MOB3B: variants seen among roughly 807,000 people sequenced by gnomAD.
MOB3B encodes the protein MOB kinase activator 3B, also known as MOB kinase activator-like 2B.
A neutral mutation model predicts 18.7 loss-of-function variants in MOB3B; 7 were observed. The ratio of observed to expected loss-of-function variants is 0.37; its 90% CI spans 0.21 to 0.70. The LOEUF (loss-of-function observed/expected upper bound fraction) is 0.70. Among genes scored for constraint, MOB3B ranks in the 30% least tolerant of loss-of-function variants. The pLI is 0.52. For missense variants in MOB3B, 253 were observed against 281.3 expected, an observed-to-expected ratio of 0.90 and a Z score of 0.72; for synonymous variants, 111 against 99.9, an observed-to-expected ratio of 1.11 and a Z score of -0.66.
Position 27,470,114 on chromosome 9 carries a change from G to GAA in MOB3B, c.-198-14368_-198-14367dup, listed in dbSNP as rs751414011. 9.5e-5 allele frequency among the ~76,000 whole-genome samples: 12 copies of GAA among 125,966 alleles called. 1 individual carries two copies. Among genetic ancestry groups the GAA allele is most frequent in the East Asian group, 4.7e-4 (2 of 4,262 alleles). The allele number at this position is 125,966 out of a possible 152,430, so 82.6% of individuals were successfully genotyped here. On this transcript the variant is annotated intron_variant, in intron 1 of 3. Coordinates refer to ENST00000262244, the MANE Select transcript of MOB3B (RefSeq NM_024761.5). ...CAGAGTGAGACCCTGTCTCTTAAAA[G>GAA]AAAAAAAAAAAAAAGAAAAGAAAAC...
intron 2 of MOB3B, among the ~76,000 whole-genome samples, chr9:27,408,446 C>T (rs1231081800): frequency 6.6e-6 from 1 of 152,192 alleles, no homozygotes; most frequent in African/African-American, 2.4e-5. Context: ...AACATGTGAG[C>T]AAAGGGGGAA....
At chr9:27,364,975 T>A (rs932794316) in intron 2 of MOB3B, among the ~76,000 whole-genome samples, 1 of 152,136 alleles carries the variant, frequency 6.6e-6, no homozygotes, top group Non-Finnish European at 1.5e-5. Flanking sequence ...TACTAGTTTC[T>A]CAAACTTATG....
chr9:27,330,368 G>T lies in MOB3B; in HGVS notation c.*219C>A. On this transcript the variant is annotated 3_prime_UTR_variant, in exon 4 of 4. Transcript: ENST00000262244. ...GTCAAGGGGCTGGTCCTTCTTTCAC[G>T]TTGTGGTCTGCCTCGTCCACAGGTC... 1.9e-6 allele frequency: 1 copy of T among 523,918 alleles called. No individual in the cohort carries two copies. The highest frequency in any genetic ancestry group is 3.3e-6 in the Non-Finnish European group (1 of 298,934). The allele number at this position is 523,918 out of a possible 1,614,324, so 32.5% of individuals were successfully genotyped here.
At chr9:27,415,224 G>A (rs1410229790) in intron 2 of MOB3B, among the ~76,000 whole-genome samples, 3 of 152,168 alleles carry the variant, frequency 2.0e-5, no homozygotes, top group Admixed American at 2.0e-4. Flanking sequence ...TTATGGGTGT[G>A]CATAATATGT....
chr9:27,341,898 C>T (rs1820947601), intron 3 of MOB3B, among the ~76,000 whole-genome samples: 3 of 152,300 alleles, frequency 2.0e-5, no homozygotes, highest in Admixed American at 2.0e-4. Flanking sequence ...CAGAAAATGA[C>T]AGTTCATGGG....
At chr9:27,442,721 A>T (rs563405431) in intron 2 of MOB3B, among the ~76,000 whole-genome samples, 3 of 152,106 alleles carry the variant, frequency 2.0e-5, no homozygotes, top group Non-Finnish European at 2.9e-5. Flanking sequence ...CTCTTGTTAT[A>T]ATATTATATT....
In MOB3B at chr9:27,492,668, A is replaced by G. The variant is rs368222365; in HGVS notation, c.-199+36887T>C. Among the ~76,000 whole-genome samples the G allele has an allele frequency of 1.5e-4, 23 of 152,316 alleles. No homozygotes were observed. The East Asian group carries it at 3.3e-3, about 22-fold the overall frequency. On this transcript the variant is annotated intron_variant, in intron 1 of 3. Transcript: ENST00000262244. ...TACAGCAATTACTAATTGCATCTGGAGCAGAAGGTAATTAACTCCAGTTTT... is the reference window on the plus strand; with the variant it reads ...TACAGCAATTACTAATTGCATCTGGGGCAGAAGGTAATTAACTCCAGTTTT...
chr9:27,367,487 T>A (rs950219924), intron 2 of MOB3B, among the ~76,000 whole-genome samples: 1 of 152,266 alleles, frequency 6.6e-6, no homozygotes, highest in African/African-American at 2.4e-5. Context: ...ATCCCATTTA[T>A]GATTCCAGCT....
intron 2 of MOB3B, among the ~76,000 whole-genome samples, chr9:27,398,213 AGATGTCTCCT>A (rs1396841079): frequency 6.6e-6 from 1 of 152,208 alleles, no homozygotes; most frequent in Non-Finnish European, 1.5e-5. Flanking sequence ...AGTGGGACAG[AGATGTCTCCT>A]GAAATGTACC....
chr9:27,327,489 T>C lies in MOB3B; in HGVS notation c.*3098A>G, dbSNP rs77759170. The C allele has an allele frequency of 0.13, 20,427 of 152,056 alleles. 1,452 individuals are homozygous for C. Among genetic ancestry groups the C allele is most frequent in the Middle Eastern group, 0.2 (58 of 294 alleles). 9.4% of individuals were successfully genotyped at this position (152,056 alleles called of 1,614,324 possible). ...AAACAATCAGTAAAAAAGTCTAGAT[T>C]GTGGGACATTCCACAAACTTGCCTG... On this transcript the variant is annotated 3_prime_UTR_variant, in exon 4 of 4. Transcript: ENST00000262244.
intron 2 of MOB3B, among the ~76,000 whole-genome samples, chr9:27,386,906 G>T (rs1044472452): frequency 2.0e-5 from 3 of 152,188 alleles, no homozygotes; most frequent in East Asian, 1.9e-4. Flanking sequence ...CCCTCCTAAG[G>T]CATGTGAACG....
chr9:27,481,546 C>G (rs1295352197), intron 1 of MOB3B, among the ~76,000 whole-genome samples: 2 of 121,622 alleles, frequency 1.6e-5, no homozygotes, highest in African/African-American at 6.4e-5. Context: ...GAGACGGAGT[C>G]TAGCTCTGTC....
intron 1 of MOB3B, among the ~76,000 whole-genome samples, chr9:27,520,873 G>C (rs556175312): frequency 3.3e-5 from 5 of 152,174 alleles, no homozygotes; most frequent in Admixed American, 2.0e-4. Flanking sequence ...AGTTAAATCT[G>C]AATTTCAGAA....
At chr9:27,519,582 A>T (rs1820293327) in intron 1 of MOB3B, among the ~76,000 whole-genome samples, 1 of 152,196 alleles carries the variant, frequency 6.6e-6, no homozygotes, top group African/African-American at 2.4e-5. Context: ...CACAGAACTT[A>T]TTGCTTAGTA....
intron 2 of MOB3B, among the ~76,000 whole-genome samples, chr9:27,406,553 C>A (rs753649673): frequency 6.6e-6 from 1 of 152,084 alleles, no homozygotes; most frequent in African/African-American, 2.4e-5. Flanking sequence ...TAGACCAATG[C>A]AACAGAATAG....
rs182449010 is a variant in MOB3B at position 27,412,822 on chromosome 9, T to C, written c.418+42311A>G. 2.7e-3 allele frequency among the ~76,000 whole-genome samples: 405 copies of C among 152,306 alleles called. 3 individuals carry two copies. The highest frequency in any genetic ancestry group is 9.4e-3 in the African/African-American group (392 of 41,570). On this transcript the variant is annotated intron_variant, in intron 2 of 3. Coordinates refer to ENST00000262244, the MANE Select transcript of MOB3B (RefSeq NM_024761.5). ...TCACTAAGTCAATAGCCTATTGCTG[T>C]CTACTTCTGAGTTACACTCTGATGG...
intron 1 of MOB3B, among the ~76,000 whole-genome samples, chr9:27,466,819 G>A (rs12551344): frequency 1.3e-5 from 2 of 151,804 alleles, no homozygotes; most frequent in Non-Finnish European, 2.9e-5. Flanking sequence ...TCTCCCCTTG[G>A]GTCCGTCCTA....
chr9:27,353,688 G>A (rs1888378), intron 3 of MOB3B, among the ~76,000 whole-genome samples: 2 of 151,862 alleles, frequency 1.3e-5, no homozygotes, highest in Non-Finnish European at 2.9e-5. Context: ...CCCACCTCAC[G>A]AATCTCTGTC....
chr9:27,354,761 A>G (rs764613591), intron 3 of MOB3B, among the ~76,000 whole-genome samples: 1 of 152,194 alleles, frequency 6.6e-6, no homozygotes, highest in Non-Finnish European at 1.5e-5. Flanking sequence ...CAAAGAGTTG[A>G]CAATCCCATG....
Sources: allele counts gnomAD v4.1 joint callset (sites outside exome capture counted in the v4.1 genomes callset), GRCh38; gene constraint gnomAD v4.1.1; transcripts MANE v1.5; gene names NCBI Gene and HGNC (gene_info 2026-07-23, HGNC 2026-07-21).